Variants in MREG observed in about 807,000 individuals in gnomAD.
MREG encodes dilute suppressor protein homolog.
In MREG, 31 loss-of-function variants were observed where a neutral mutation model predicts 28.5. That is an observed-to-expected ratio of 1.09 (90% CI 0.82 to 1.47). MREG has a LOEUF of 1.47. Among genes scored for constraint, MREG ranks in the 40% most tolerant of loss-of-function variants. The probability of loss-of-function intolerance (pLI) is 0.00; values close to 1 mark genes in which losing one functional copy is unlikely to be tolerated. For missense variants in MREG, 256 were observed against 257.4 expected, an observed-to-expected ratio of 0.99 and a Z score of 0.04; for synonymous variants, 106 against 95.2, an observed-to-expected ratio of 1.11 and a Z score of -0.66.
intron 1 of MREG, among the ~76,000 whole-genome samples, chr2:215,996,926 G>A (rs1052810327): frequency 3.3e-5 from 5 of 152,162 alleles, no homozygotes; most frequent in East Asian, 1.9e-4. Context: ...GATTACAGGC[G>A]CCTGCCACCA....
At position 215,954,922 on chromosome 2, in the gene MREG, C is replaced by T. The variant is rs570551934; in HGVS notation, c.256-7809G>A. ...CTCATCATGTTGGTCAGGCTGGTCT[C>T]GAACGCCTGACCTCAGGTGATCCGC... On this transcript the variant is annotated intron_variant, in intron 2 of 4. Coordinates refer to ENST00000263268, the MANE Select transcript of MREG (RefSeq NM_018000.3). Among the ~76,000 whole-genome samples the T allele has an allele frequency of 2.7e-4, 41 of 152,200 alleles. 1 individual carries two copies. Among genetic ancestry groups the T allele is most frequent in the Admixed American group, 2.2e-3 (33 of 15,286 alleles).
At chr2:215,978,181 T>TA (rs1315310002) in intron 2 of MREG, among the ~76,000 whole-genome samples, 9 of 151,876 alleles carry the variant, frequency 5.9e-5, no homozygotes, top group African/African-American at 1.7e-4. Context: ...ATAGATGCAA[T>TA]AAAAAATGAT....
chr2:215,989,792 A>G (rs1182902889), intron 2 of MREG, among the ~76,000 whole-genome samples: 1 of 151,990 alleles, frequency 6.6e-6, no homozygotes, highest in Non-Finnish European at 1.5e-5. Context: ...AAGAAAGGAT[A>G]TCAGAGATTG....
chr2:215,981,842 A>G (rs1361519799), intron 2 of MREG, among the ~76,000 whole-genome samples: 4 of 152,146 alleles, frequency 2.6e-5, no homozygotes, highest in Non-Finnish European at 5.9e-5. Flanking sequence ...GTATCATCTC[A>G]TTAGAATATG....
chr2:216,033,650 A>C (rs1471862689), upstream of MREG: 4 of 152,412 alleles, frequency 2.6e-5, no homozygotes, highest in Non-Finnish European at 2.9e-5. Flanking sequence ...AACAAGTCTG[A>C]AGGCTGCAGA....
At chr2:215,985,275 C>T (rs898020235) in intron 2 of MREG, among the ~76,000 whole-genome samples, 3 of 152,130 alleles carry the variant, frequency 2.0e-5, no homozygotes, top group African/African-American at 7.2e-5. Context: ...GAGCAGAGCA[C>T]GTTATGTAAA....
intron 1 of MREG, among the ~76,000 whole-genome samples, chr2:216,001,921 T>C (rs1031608291): frequency 1.2e-4 from 18 of 152,148 alleles, no homozygotes; most frequent in African/African-American, 3.6e-4. Context: ...CGAAGGGCTC[T>C]GGGGCCTGTG....
chr2:215,945,618 T>C lies in MREG; in HGVS notation c.463A>G (p.Ile155Val), dbSNP rs375677015. ...GAGAGCTCCCAACTTGTTGGGAAAA[T>C]ATTGGTTTCTTCAGCCAGTTTTAAC... ...MLLKLAEETNIFPTSWELSER... is the reference protein window; with the variant it reads ...MLLKLAEETNVFPTSWELSER... Residue 155 changes from isoleucine to valine, a missense_variant, in exon 4 of 5, where the codon ATT becomes GTT. Physicochemically the swap from Ile to Val is conservative, Grantham distance 29. Transcript: ENST00000263268. 1 of 1,613,920 alleles carries C rather than the reference T, an allele frequency of 6.2e-7. No homozygotes were observed. Among genetic ancestry groups the C allele is most frequent in the Non-Finnish European group, 8.5e-7 (1 of 1,179,846 alleles).
chr2:215,945,128 A>AT lies in MREG; in HGVS notation c.511-132dup, dbSNP rs1041044030. The AT allele has an allele frequency of 8.0e-5, 76 of 952,210 alleles. 1 individual carries two copies. Among genetic ancestry groups the AT allele is most frequent in the Non-Finnish European group, 1.0e-4 (69 of 675,316 alleles). The allele number at this position is 952,210 out of a possible 1,614,324, so 59.0% of individuals were successfully genotyped here. On this transcript the variant is annotated intron_variant, in intron 4 of 4. Coordinates refer to ENST00000263268, the MANE Select transcript of MREG (RefSeq NM_018000.3). The stretch of plus-strand genomic sequence containing the variant: ...CAATGAGCAAGTAAGACGTTTATTA[A>AT]TTTTTTCCTAACAAATGTAGAGACA...
intron 1 of MREG, among the ~76,000 whole-genome samples, chr2:216,002,436 G>A (rs1694041607): frequency 1.3e-5 from 2 of 152,222 alleles, no homozygotes; most frequent in Non-Finnish European, 2.9e-5. Flanking sequence ...AGTGCACACA[G>A]GCTGGCCTCT....
chr2:215,993,922 G>A (rs1181148615), intron 2 of MREG, among the ~76,000 whole-genome samples: 3 of 152,212 alleles, frequency 2.0e-5, no homozygotes, highest in Admixed American at 2.0e-4. Context: ...AACAGATGCT[G>A]GAGAGATGTG....
chr2:215,948,309 G>A (rs1423660025), intron 2 of MREG, among the ~76,000 whole-genome samples: 2 of 152,236 alleles, frequency 1.3e-5, no homozygotes, highest in East Asian at 3.8e-4. Context: ...TCTTGAATCT[G>A]AGGATATGCC....
chr2:215,958,304 A>G (rs1692685994), intron 2 of MREG, among the ~76,000 whole-genome samples: 1 of 151,872 alleles, frequency 6.6e-6, no homozygotes, highest in Admixed American at 6.6e-5. Flanking sequence ...AAATAAAATA[A>G]AAGAACTCCT....
In MREG at chr2:215,947,010, C is replaced by A; in HGVS notation, c.346+13G>T. The A allele has an allele frequency of 6.7e-7, 1 of 1,494,262 alleles. No individual in the cohort carries two copies. Among genetic ancestry groups the A allele is most frequent in the South Asian group, 1.1e-5 (1 of 87,590 alleles). The allele number at this position is 1,494,262 out of a possible 1,614,324, so 92.6% of individuals were successfully genotyped here. On this transcript the variant is annotated intron_variant, in intron 3 of 4. Transcript: ENST00000263268. ...AGTTATTTTTACCATTTCACAATCTCTTTTAGACTTACCTAAATCTTCTAA... is the reference window on the plus strand; with the variant it reads ...AGTTATTTTTACCATTTCACAATCTATTTTAGACTTACCTAAATCTTCTAA...
chr2:216,010,606 C>T (rs959038925), intron 1 of MREG, among the ~76,000 whole-genome samples: 2 of 150,952 alleles, frequency 1.3e-5, no homozygotes, highest in African/African-American at 4.8e-5. Flanking sequence ...ATCCGGCCGC[C>T]TCGGCCTCCC....
chr2:215,953,775 A>G (rs1038312005), intron 2 of MREG, among the ~76,000 whole-genome samples: 2 of 152,218 alleles, frequency 1.3e-5, no homozygotes, highest in Non-Finnish European at 2.9e-5. Context: ...GGTTTAAACA[A>G]CTGGAGTTCT....
chr2:215,946,329 C>T (rs1165220064), intron 3 of MREG, among the ~76,000 whole-genome samples: 1 of 151,436 alleles, frequency 6.6e-6, no homozygotes, highest in East Asian at 1.9e-4. Context: ...CAACCAAAGC[C>T]ATAGAGATCG....
At chr2:215,960,451 T>C (rs1202972895) in intron 2 of MREG, among the ~76,000 whole-genome samples, 9 of 152,178 alleles carry the variant, frequency 5.9e-5, no homozygotes, top group Admixed American at 5.2e-4. Context: ...CGAGTGCCTA[T>C]TGTGAATATA....
intron 1 of MREG, among the ~76,000 whole-genome samples, chr2:216,002,362 C>A (rs1163515917): frequency 6.6e-6 from 1 of 152,166 alleles, no homozygotes; most frequent in Non-Finnish European, 1.5e-5. Context: ...CCGAGAGTTC[C>A]TCAGGATTCC....
Sources: gnomAD v4.1 joint callset for allele counts (sites outside exome capture counted in the v4.1 genomes callset) on GRCh38, gnomAD v4.1.1 for gene constraint, MANE v1.5 for transcripts, NCBI Gene and HGNC (gene_info 2026-07-23, HGNC 2026-07-21) for gene names.